Variants in PC observed in about 807,000 individuals in gnomAD.
The protein encoded by PC is pyruvate carboxylase, mitochondrial.
Under a neutral mutation model 107.8 loss-of-function variants are expected in PC, and 46 were observed. The observed-to-expected ratio is 0.43, with a 90% CI of 0.34 to 0.55. The LOEUF (loss-of-function observed/expected upper bound fraction) is 0.55. PC is among the 20% of genes least tolerant of loss of function. PC has a pLI of 0.04. For missense variants in PC, 1,241 were observed against 1,643.1 expected (o/e 0.76, Z 4.23); for synonymous variants, 662 against 684.7 (o/e 0.97, Z 0.52).
chr11:66,913,483 G>A (rs1241118592), intron 3 of PC, among the ~76,000 whole-genome samples: 1 of 151,574 alleles, frequency 6.6e-6, no homozygotes, highest in East Asian at 1.9e-4. Flanking sequence ...AGGAGTTTGA[G>A]ACCAGCCTGA....
chr11:66,950,780 T>G (rs1314921943), intron 3 of PC, among the ~76,000 whole-genome samples: 2 of 152,196 alleles, frequency 1.3e-5, no homozygotes, highest in African/African-American at 4.8e-5. Flanking sequence ...TCTTGGATTC[T>G]GCTAAGCAGC....
chr11:66,939,008 T>C (rs1447510725), intron 3 of PC, among the ~76,000 whole-genome samples: 4 of 152,246 alleles, frequency 2.6e-5, no homozygotes, highest in African/African-American at 9.6e-5. Context: ...CCCAGTCATT[T>C]AATACTGGCC....
rs373604995 is a variant in PC at position 66,928,152 on chromosome 11, T to C, written c.-1+24278A>G. The stretch of plus-strand genomic sequence containing the variant: ...CCTGTAATCCAGCACTTTGGGAGCC[T>C]AAGGCGGGCGGATCACAAGGTCAGG... On this transcript the variant is annotated intron_variant, in intron 3 of 22. Transcript: ENST00000393960. 2.2e-3 allele frequency among the ~76,000 whole-genome samples: 328 copies of C among 152,026 alleles called. 1 individual carries two copies. The highest frequency in any genetic ancestry group is 7.6e-3 in the African/African-American group (316 of 41,462).
rs1391472363 is a variant in PC at position 66,849,731 on chromosome 11, T to C, written c.3027A>G (p.Ser1009=). 1 of 1,614,212 alleles carries C rather than the reference T, an allele frequency of 6.2e-7. No individual in the cohort carries two copies. Among genetic ancestry groups the C allele is most frequent in the Non-Finnish European group, 8.5e-7 (1 of 1,180,028 alleles). The change falls in exon 21 of 23, where the codon TCA becomes TCG. Residue 1009 remains serine (S), a synonymous_variant. Transcript: ENST00000393960. ...CAAACACATCGGGGTACATAGCTGC[T>C]GAGAGCACATCTTCCGGCGTCACCT... The part of the protein sequence containing the change: ...GEEVTPEDVL[S]AAMYPDVFAH...
At chr11:66,861,473 G>A (rs1946253377) in intron 12 of PC, among the ~76,000 whole-genome samples, 1 of 152,258 alleles carries the variant, frequency 6.6e-6, no homozygotes, top group Non-Finnish European at 1.5e-5. Context: ...GCATACGTGT[G>A]TTCACGTGTG....
intron 3 of PC, among the ~76,000 whole-genome samples, chr11:66,936,947 A>G (rs1016101648): frequency 2.6e-5 from 4 of 152,074 alleles, no homozygotes; most frequent in African/African-American, 7.2e-5. Flanking sequence ...TCAAGCAACG[A>G]TTCTCGTGCC....
In PC at chr11:66,858,116, C is replaced by G; in HGVS notation, c.1369-4733G>C. The G allele has an allele frequency of 5.0e-6, 8 of 1,610,670 alleles. No homozygotes were observed. The highest frequency in any genetic ancestry group is 6.8e-6 in the Non-Finnish European group (8 of 1,178,924). Reference sequence around the variant, plus strand: ...TCCGGGGCCCCGTCAATCTGCAGCACCTCATCCTCAGCGGCAACCAGCTGG... The same window carrying G: ...TCCGGGGCCCCGTCAATCTGCAGCAGCTCATCCTCAGCGGCAACCAGCTGG... On this transcript the variant is annotated intron_variant, in intron 12 of 22. Transcript: ENST00000393960. The surrounding 1 kb of genome is among the most constrained non-coding windows in gnomAD (Gnocchi z 5.9).
chr11:66,861,077 G>A (rs1385931056), intron 12 of PC, among the ~76,000 whole-genome samples: 1 of 152,234 alleles, frequency 6.6e-6, no homozygotes, highest in Non-Finnish European at 1.5e-5. Context: ...GTGGGTCCGA[G>A]CAGGACCGCA....
intron 3 of PC, among the ~76,000 whole-genome samples, chr11:66,877,709 C>T (rs977803228): frequency 6.6e-6 from 1 of 152,222 alleles, no homozygotes; most frequent in African/African-American, 2.4e-5. Flanking sequence ...AGATTCCACA[C>T]CCTGGCTCCC....
chr11:66,947,147 A>G (rs1022553462), intron 3 of PC, among the ~76,000 whole-genome samples: 3 of 152,156 alleles, frequency 2.0e-5, no homozygotes, highest in Non-Finnish European at 4.4e-5. Context: ...CATTTACCCA[A>G]GAGAAAAGGA....
intron 3 of PC, among the ~76,000 whole-genome samples, chr11:66,911,084 A>G (rs894397673): frequency 6.6e-6 from 1 of 152,262 alleles, no homozygotes; most frequent in Non-Finnish European, 1.5e-5. Flanking sequence ...ACGAGAGTCT[A>G]GCACGGTAGA....
At chr11:66,889,036 C>T (rs928955689) in intron 3 of PC, among the ~76,000 whole-genome samples, 3 of 152,058 alleles carry the variant, frequency 2.0e-5, no homozygotes, top group Non-Finnish European at 2.9e-5. Context: ...ATCGCGACAC[C>T]GCACCCCAGC....
rs1450304409 is a variant in PC, at chr11:66,866,032, C to T, written c.1185+155G>A. On this transcript the variant is annotated intron_variant, in intron 11 of 22. Transcript: ENST00000393960. This position sits in a 1 kb window ranked among gnomAD's most constrained non-coding sequence, Gnocchi z 5.4. ...GGAGGCGCCGCCCCTCCTCTGGGCA[C>T]TGCCTGCCTCCGTGTACTCTATGTC... Among the ~76,000 whole-genome samples the T allele has an allele frequency of 2.0e-5, 3 of 152,238 alleles. No homozygotes were observed. Among genetic ancestry groups the T allele is most frequent in the Non-Finnish European group, 4.4e-5 (3 of 68,038 alleles).
chr11:66,860,282 C>T (rs1565229926), intron 12 of PC: 1 of 1,516,986 alleles, frequency 6.6e-7, no homozygotes, highest in African/African-American at 1.4e-5. Flanking sequence ...GAGTCCCTCC[C>T]TGGTTTTTAT....
chr11:66,859,952 C>G, intron 12 of PC: 1 of 1,598,954 alleles, frequency 6.3e-7, no homozygotes, highest in South Asian at 1.1e-5. Flanking sequence ...AGCTCAGCCA[C>G]GTCCAGTCCC....
chr11:66,938,744 C>T (rs560282428), intron 3 of PC, among the ~76,000 whole-genome samples: 4 of 152,102 alleles, frequency 2.6e-5, no homozygotes, highest in Non-Finnish European at 5.9e-5. Flanking sequence ...TCATAGCTCT[C>T]GTCCTATGGT....
chr11:66,857,561 G>C lies in PC; in HGVS notation c.1369-4178C>G, dbSNP rs929154201. The C allele has an allele frequency of 1.6e-5, 10 of 614,356 alleles. No homozygotes were observed. Among genetic ancestry groups the C allele is most frequent in the East Asian group, 2.8e-5 (1 of 35,346 alleles). The allele number at this position is 614,356 out of a possible 1,614,324, so 38.1% of individuals were successfully genotyped here. ...TTGGGAAATGTGACCTTTGCTCTGG[G>C]GGGCCTGGCCCTGCAGGCCCCAACC... On this transcript the variant is annotated intron_variant, in intron 12 of 22. Coordinates refer to ENST00000393960, the MANE Select transcript of PC (RefSeq NM_001040716.2). This position sits in a 1 kb window ranked among gnomAD's most constrained non-coding sequence, Gnocchi z 7.1.
intron 10 of PC, among the ~76,000 whole-genome samples, chr11:66,867,316 G>A (rs1242399213): frequency 6.6e-6 from 1 of 152,172 alleles, no homozygotes; most frequent in Non-Finnish European, 1.5e-5. Context: ...AACCCGGGAG[G>A]CAGAAGTTGC....
intron 3 of PC, among the ~76,000 whole-genome samples, chr11:66,875,092 GC>G (rs763542520): frequency 8.5e-5 from 13 of 152,192 alleles, no homozygotes; most frequent in Non-Finnish European, 1.9e-4. Context: ...CCTCCCTTCA[GC>G]CATGGACAGG....
Sources: gnomAD v4.1 joint callset for allele counts (sites outside exome capture counted in the v4.1 genomes callset) on GRCh38, gnomAD v4.1.1 for gene constraint, Gnocchi (gnomAD v3.1) non-coding constraint, MANE v1.5 for transcripts, NCBI Gene and HGNC (gene_info 2026-07-23, HGNC 2026-07-21) for gene names.